Variants in AKAP6 observed in about 807,000 individuals in gnomAD.
AKAP6 encodes the protein A-kinase anchor protein 6.
AKAP6 carries 58 observed loss-of-function variants against 188.5 expected under a neutral mutation model. The observed-to-expected ratio is 0.31, with a 90% CI of 0.25 to 0.38. The LOEUF is 0.38. Among genes scored for constraint, AKAP6 ranks in the 10% least tolerant of loss-of-function variants. AKAP6 has a pLI of 1.00. For missense variants in AKAP6, 2,710 were observed against 2,740.0 expected (o/e 0.99, Z 0.24); for synonymous variants, 989 against 998.6 (o/e 0.99, Z 0.18).
At chr14:32,655,609 G>A (rs994408719) in intron 7 of AKAP6, among the ~76,000 whole-genome samples, 4 of 152,140 alleles carry the variant, frequency 2.6e-5, no homozygotes, top group Non-Finnish European at 5.9e-5. Flanking sequence ...AGAGTTGTTC[G>A]TGTTGGCCCT....
chr14:32,392,950 T>A (rs967480167), intron 1 of AKAP6, among the ~76,000 whole-genome samples: 4 of 152,122 alleles, frequency 2.6e-5, no homozygotes, highest in African/African-American at 7.2e-5. Flanking sequence ...CCATTTATTA[T>A]TTTTTAATTT....
At chr14:32,695,110 C>T (rs1890349753) in intron 8 of AKAP6, among the ~76,000 whole-genome samples, 2 of 152,180 alleles carry the variant, frequency 1.3e-5, no homozygotes, top group Admixed American at 1.3e-4. Flanking sequence ...TTTTAAGCTC[C>T]TTATTCTAAT....
intron 4 of AKAP6, among the ~76,000 whole-genome samples, chr14:32,563,647 G>T (rs879354148): frequency 6.6e-6 from 1 of 152,056 alleles, no homozygotes; most frequent in African/African-American, 2.4e-5. Flanking sequence ...AGTGGTTAAG[G>T]GTGCTCTTCG....
At chr14:32,407,476 G>T (rs1889334395) in intron 1 of AKAP6, among the ~76,000 whole-genome samples, 1 of 152,238 alleles carries the variant, frequency 6.6e-6, no homozygotes, top group East Asian at 1.9e-4. Flanking sequence ...TGAGGGCAGA[G>T]TCTGAGCCTA....
At chr14:32,792,843 C>T (rs762218561) in intron 12 of AKAP6, among the ~76,000 whole-genome samples, 5 of 152,134 alleles carry the variant, frequency 3.3e-5, no homozygotes, top group Admixed American at 6.5e-5. Context: ...TGAATTTTAT[C>T]GAAGGCCTTT....
intron 7 of AKAP6, among the ~76,000 whole-genome samples, chr14:32,625,039 C>T (rs1328113130): frequency 1.3e-5 from 2 of 151,956 alleles, no homozygotes; most frequent in African/African-American, 4.8e-5. Flanking sequence ...TTTCAATTTC[C>T]AGTTTGGTGA....
chr14:32,543,027 A>T (rs1883033288), intron 3 of AKAP6, among the ~76,000 whole-genome samples: 1 of 152,194 alleles, frequency 6.6e-6, no homozygotes, highest in Admixed American at 6.5e-5. Context: ...CACTTCAAAC[A>T]TTTATTGTGT....
chr14:32,679,368 C>T (rs1437585017), intron 8 of AKAP6, among the ~76,000 whole-genome samples: 2 of 152,060 alleles, frequency 1.3e-5, no homozygotes, highest in Admixed American at 1.3e-4. Flanking sequence ...ACCTATTTTA[C>T]TTTTAGACTT....
At chr14:32,682,995 C>CTTTTTTTTTTTTTGTTTTTTTTTTT (rs71115090) in intron 8 of AKAP6, among the ~76,000 whole-genome samples, 2 of 142,258 alleles carry the variant, frequency 1.4e-5, no homozygotes, top group East Asian at 2.2e-4. Flanking sequence ...TTTTTTCTTC[C>CTTTTTTTTTTTTTGTTTTTTTTTTT]TTTTTTTTTT....
chr14:32,451,557 T>C (rs1018349822), intron 2 of AKAP6, among the ~76,000 whole-genome samples: 2 of 152,236 alleles, frequency 1.3e-5, no homozygotes, highest in African/African-American at 4.8e-5. Context: ...ATTGCAGCTT[T>C]TTAGATAAAG....
chr14:32,540,168 C>CTCTCTCTA (rs1240063339), intron 3 of AKAP6, among the ~76,000 whole-genome samples: 235 of 60,876 alleles, frequency 3.9e-3, no homozygotes, highest in African/African-American at 5.4e-3. Context: ...CTCTCTCTCT[C>CTCTCTCTA]TATATATATA....
intron 7 of AKAP6, among the ~76,000 whole-genome samples, chr14:32,674,547 A>G (rs1455262850): frequency 6.6e-6 from 1 of 152,212 alleles, no homozygotes; most frequent in Non-Finnish European, 1.5e-5. Flanking sequence ...AGGAAGAGTC[A>G]AGAATGACTC....
At chr14:32,639,266 T>C (rs1887655495) in intron 7 of AKAP6, among the ~76,000 whole-genome samples, 1 of 152,150 alleles carries the variant, frequency 6.6e-6, no homozygotes, top group African/African-American at 2.4e-5. Flanking sequence ...TAATCATTGA[T>C]ATGTGCTTAA....
At chr14:32,364,404 G>T (rs966271925) in intron 1 of AKAP6, among the ~76,000 whole-genome samples, 8 of 152,128 alleles carry the variant, frequency 5.3e-5, no homozygotes, top group African/African-American at 1.9e-4. Flanking sequence ...GGCAGGGGCA[G>T]AGTAGTCTAT....
At chr14:32,799,145 T>G (rs1331163561) in intron 12 of AKAP6, among the ~76,000 whole-genome samples, 1 of 152,194 alleles carries the variant, frequency 6.6e-6, no homozygotes, top group Non-Finnish European at 1.5e-5. Flanking sequence ...GGAAATCCTG[T>G]CTTAAGTGAT....
At chr14:32,796,111 C>G (rs1291345791) in intron 12 of AKAP6, among the ~76,000 whole-genome samples, 1 of 151,942 alleles carries the variant, frequency 6.6e-6, no homozygotes, top group Non-Finnish European at 1.5e-5. Context: ...ATCTATAAAC[C>G]ACTGCTCAAA....
chr14:32,657,720 T>G (rs959655650), intron 7 of AKAP6, among the ~76,000 whole-genome samples: 1 of 152,090 alleles, frequency 6.6e-6, no homozygotes, highest in African/African-American at 2.4e-5. Context: ...CACCATTTTT[T>G]TTTTTACCAT....
At chr14:32,773,592 TG>T in intron 11 of AKAP6, 85 bp from the exon 12 acceptor site, 1 of 1,284,172 alleles carries the variant, frequency 7.8e-7, no homozygotes, top group Non-Finnish European at 1.1e-6. Context: ...CACTACAATT[TG>T]AAATTATGAT....
chr14:32,707,114 T>C (rs761721119), intron 9 of AKAP6, among the ~76,000 whole-genome samples: 69 of 152,236 alleles, frequency 4.5e-4, no homozygotes, highest in Non-Finnish European at 8.4e-4. Context: ...TACACACACA[T>C]AAAATGTGTT....
Sources: allele counts gnomAD v4.1 joint callset (sites outside exome capture counted in the v4.1 genomes callset), GRCh38; gene constraint gnomAD v4.1.1; transcripts MANE v1.5; gene names NCBI Gene and HGNC (gene_info 2026-07-23, HGNC 2026-07-21).